The following VGLL4 variants were observed in gnomAD, a reference collection of about 807,000 sequenced individuals.
VGLL4 encodes the protein vestigial like family member 4, also known as transcription cofactor vestigial-like protein 4.
VGLL4 carries 7 observed loss-of-function variants against 21.0 expected under a neutral mutation model. The observed-to-expected ratio is 0.33, with a 90% CI of 0.19 to 0.63. VGLL4 has a LOEUF of 0.63. Ranked by LOEUF, VGLL4 falls within the 20% of genes least tolerant of loss-of-function variation. VGLL4 has a pLI of 0.78. For synonymous variants in VGLL4, 222 were observed against 173.2 expected, an observed-to-expected ratio of 1.28 and a Z score of -2.21; for missense variants, 394 against 425.7, an observed-to-expected ratio of 0.93 and a Z score of 0.66.
chr3:11,561,781 C>T (rs1395988701), intron 3 of VGLL4, among the ~76,000 whole-genome samples: 1 of 152,138 alleles, frequency 6.6e-6, no homozygotes, highest in Non-Finnish European at 1.5e-5. Context: ...AACCCCTTCA[C>T]CCGCTGTCCC....
intron 1 of VGLL4, among the ~76,000 whole-genome samples, chr3:11,607,684 C>G (rs1418378956): frequency 6.6e-6 from 1 of 152,108 alleles, no homozygotes; most frequent in Non-Finnish European, 1.5e-5. Flanking sequence ...TCTTTTTTCT[C>G]TCAGGCTTTT....
chr3:11,626,832 A>G (rs1051595810), intron 1 of VGLL4, among the ~76,000 whole-genome samples: 4 of 152,092 alleles, frequency 2.6e-5, no homozygotes, highest in Admixed American at 6.6e-5. Flanking sequence ...TCAGCCCTCT[A>G]AAGAGCTCTA....
intron 2 of VGLL4, among the ~76,000 whole-genome samples, chr3:11,698,494 G>A (rs914404230): frequency 5.9e-5 from 9 of 152,144 alleles, no homozygotes; most frequent in African/African-American, 1.7e-4. Flanking sequence ...GGGCGAATGA[G>A]CAAGACTCTG....
chr3:11,585,518 C>T (rs142119328), intron 2 of VGLL4, among the ~76,000 whole-genome samples: 181 of 151,624 alleles, frequency 1.2e-3, no homozygotes, highest in Admixed American at 3.4e-3. Flanking sequence ...ATTGAGGGAT[C>T]TCCCAAGAGA....
At chr3:11,687,839 A>T (rs2076474071) in intron 2 of VGLL4, among the ~76,000 whole-genome samples, 4 of 152,184 alleles carry the variant, frequency 2.6e-5, no homozygotes, top group Admixed American at 2.6e-4. Flanking sequence ...AAGAAAAATC[A>T]CTAGCTAGAA....
At chr3:11,671,908 T>A (rs2076223152) in intron 2 of VGLL4, among the ~76,000 whole-genome samples, 1 of 152,216 alleles carries the variant, frequency 6.6e-6, no homozygotes, top group African/African-American at 2.4e-5. Context: ...TCTATTATTA[T>A]TTTTTGACTA....
intron 3 of VGLL4, among the ~76,000 whole-genome samples, chr3:11,559,885 A>G (rs962152555): frequency 1.3e-5 from 2 of 151,840 alleles, no homozygotes; most frequent in Non-Finnish European, 2.9e-5. Context: ...ACTTCAATAC[A>G]CGGCAATTAA....
At chr3:11,655,099 C>T (rs913810050) in intron 2 of VGLL4, among the ~76,000 whole-genome samples, 10 of 152,262 alleles carry the variant, frequency 6.6e-5, no homozygotes, top group African/African-American at 2.2e-4. Flanking sequence ...AGTTTTGAAC[C>T]GTGGCCATAC....
intron 2 of VGLL4, among the ~76,000 whole-genome samples, chr3:11,573,287 GAAAGAAAGAAAGA>G (rs2073880452): frequency 4.0e-4 from 4 of 9,946 alleles, no homozygotes; most frequent in Admixed American, 1.4e-3. Flanking sequence ...AAGAAAGAAA[GAAAGAAAGAAAGA>G]AAGAAAGGAA....
intron 2 of VGLL4, among the ~76,000 whole-genome samples, chr3:11,681,184 G>A (rs541694844): frequency 6.6e-6 from 1 of 152,264 alleles, no homozygotes; most frequent in South Asian, 2.1e-4. Context: ...TGCAAGCTCC[G>A]CCTCCTGGGT....
At chr3:11,623,375 A>C (rs1011768026) in intron 1 of VGLL4, among the ~76,000 whole-genome samples, 1 of 152,216 alleles carries the variant, frequency 6.6e-6, no homozygotes, top group Admixed American at 6.5e-5. Flanking sequence ...AAATCCACAC[A>C]TACCCAAGTC....
intron 1 of VGLL4, among the ~76,000 whole-genome samples, chr3:11,640,710 G>A (rs2075672867): frequency 6.6e-6 from 1 of 152,186 alleles, no homozygotes; most frequent in South Asian, 2.1e-4. Context: ...AGTTACCAAG[G>A]AGGGAGTCCA....
chr3:11,645,710 G>A (rs992532271), upstream of VGLL4, among the ~76,000 whole-genome samples: 1 of 151,724 alleles, frequency 6.6e-6, no homozygotes, highest in African/African-American at 2.4e-5. Context: ...GGTGGCTCAC[G>A]CGTGTAATCC....
intron 2 of VGLL4, chr3:11,582,229 A>C: frequency 6.3e-7 from 1 of 1,579,616 alleles, no homozygotes; most frequent in Non-Finnish European, 8.6e-7. Context: ...CAGGGTTGCC[A>C]TCTGGTTTGA....
At chr3:11,588,935 C>T (rs143299889) in intron 2 of VGLL4, among the ~76,000 whole-genome samples, 18 of 152,258 alleles carry the variant, frequency 1.2e-4, no homozygotes, top group African/African-American at 4.1e-4. Flanking sequence ...AGTCCAGCCA[C>T]GGGTTCATGT....
At chr3:11,563,679 A>G (rs1242083240) in intron 3 of VGLL4, among the ~76,000 whole-genome samples, 1 of 152,234 alleles carries the variant, frequency 6.6e-6, no homozygotes, top group Non-Finnish European at 1.5e-5. Context: ...CCTCCAGACT[A>G]AAACTGAGCG....
At position 11,632,115 on chromosome 3, in the gene VGLL4, T is replaced by C. The variant is rs370304273; in HGVS notation, c.82+11322A>G. 1.8e-4 allele frequency among the ~76,000 whole-genome samples: 28 copies of C among 152,162 alleles called. No individual in the cohort carries two copies. In the South Asian group the frequency reaches 5.6e-3, roughly 30 times the overall value. ...GATCGCCTGAGGTCAGGAGTTCAAT[T>C]CCAGCCCAGACAACACAGTAAAACC... is the stretch of plus-strand genomic sequence containing the variant. On this transcript the variant is annotated intron_variant, in intron 1 of 4. Coordinates refer to ENST00000430365, the MANE Select transcript of VGLL4 (RefSeq NM_001128219.3).
At chr3:11,638,161 C>T (rs985157649) in intron 1 of VGLL4, among the ~76,000 whole-genome samples, 2 of 152,134 alleles carry the variant, frequency 1.3e-5, no homozygotes, top group Non-Finnish European at 2.9e-5. Flanking sequence ...AATCTCCTCA[C>T]GTGCCAAGGA....
intron 2 of VGLL4, among the ~76,000 whole-genome samples, chr3:11,698,101 C>T (rs1399791627): frequency 6.6e-6 from 1 of 152,214 alleles, no homozygotes; most frequent in East Asian, 1.9e-4. Context: ...ATTTTGTAAA[C>T]ATTGCAATAA....
Sources: gnomAD v4.1 joint callset for allele counts (sites outside exome capture counted in the v4.1 genomes callset) on GRCh38, gnomAD v4.1.1 for gene constraint, MANE v1.5 for transcripts, NCBI Gene and HGNC (gene_info 2026-07-23, HGNC 2026-07-21) for gene names.